The following BRAF variants were observed in gnomAD, a reference collection of about 807,000 sequenced individuals.
BRAF encodes the protein B-Raf proto-oncogene, serine/threonine kinase.
A neutral mutation model predicts 104.6 loss-of-function variants in BRAF; 16 were observed. That is an observed-to-expected ratio of 0.15 (90% CI 0.10 to 0.23). The LOEUF (loss-of-function observed/expected upper bound fraction) is 0.23, where lower values mean the gene tolerates loss of function less well. Ranked by LOEUF, BRAF falls within the 10% of genes least tolerant of loss-of-function variation. The probability of loss-of-function intolerance (pLI) is 1.00; values close to 1 mark genes in which losing one functional copy is unlikely to be tolerated. For missense variants in BRAF, 541 were observed against 937.3 expected (o/e 0.58, Z 5.52); for synonymous variants, 310 against 341.6 (o/e 0.91, Z 1.02).
At chr7:140,716,714 CT>C (rs1296358537), downstream of BRAF, among the ~76,000 whole-genome samples, 2 of 152,192 alleles carry the variant, frequency 1.3e-5, no homozygotes, top group African/African-American at 4.8e-5. Flanking sequence ...ACGTTTGTAA[CT>C]TTGTTAGTTT....
At chr7:140,755,953 T>A (rs1335679660) in intron 14 of BRAF, among the ~76,000 whole-genome samples, 2 of 152,058 alleles carry the variant, frequency 1.3e-5, no homozygotes, top group South Asian at 4.2e-4. Context: ...TTCAACCATA[T>A]CAAAATACAG....
At chr7:140,762,959 G>C (rs1415161496) in intron 14 of BRAF, among the ~76,000 whole-genome samples, 2 of 152,198 alleles carry the variant, frequency 1.3e-5, no homozygotes, top group African/African-American at 4.8e-5. Flanking sequence ...CAAGGCAGAA[G>C]AATTTTTCTT....
At chr7:140,820,263 T>A (rs1805333682) in intron 3 of BRAF, among the ~76,000 whole-genome samples, 1 of 152,198 alleles carries the variant, frequency 6.6e-6, no homozygotes. Context: ...CATACACTTG[T>A]TGAGAATCAA....
At position 140,725,338 on chromosome 7, in the gene BRAF, G is replaced by A; in HGVS notation, c.*1156C>T. The A allele has an allele frequency of 1.0e-6, 1 of 1,000,842 alleles. No individual in the cohort carries two copies. 62.0% of individuals were successfully genotyped at this position (1,000,842 alleles called of 1,614,324 possible). A position where few individuals can be genotyped will look rare whatever the true frequency, so the allele number is the denominator to read the frequency against. Reference sequence around the variant, plus strand: ...TTATGCTAAGACTCCTCATATTTAGGTAGAGAAAAGGATAATGATCTTTCT... The same window carrying A: ...TTATGCTAAGACTCCTCATATTTAGATAGAGAAAAGGATAATGATCTTTCT... On this transcript the variant is annotated 3_prime_UTR_variant, in exon 20 of 20. Transcript: ENST00000644969.
intron 2 of BRAF, among the ~76,000 whole-genome samples, chr7:140,843,734 A>C (rs986784168): frequency 1.3e-5 from 2 of 152,180 alleles, no homozygotes; most frequent in Non-Finnish European, 2.9e-5. Flanking sequence ...GGCTGGGCAC[A>C]GTGGCTCATG....
intron 14 of BRAF, among the ~76,000 whole-genome samples, chr7:140,760,915 A>G (rs10085730): frequency 0.35 from 53,828 of 151,846 alleles, 12,802 homozygotes; most frequent in African/African-American, 0.68. Flanking sequence ...ACGTCTGATT[A>G]GTGTACCTGA....
At chr7:140,854,306 A>C (rs1409283604) in intron 1 of BRAF, among the ~76,000 whole-genome samples, 2 of 152,210 alleles carry the variant, frequency 1.3e-5, no homozygotes, top group Non-Finnish European at 2.9e-5. Context: ...AGCTACTTTA[A>C]GATCAGAAAC....
intron 1 of BRAF, among the ~76,000 whole-genome samples, chr7:140,877,938 GTATT>G (rs1288472526): frequency 6.6e-6 from 1 of 151,978 alleles, no homozygotes; most frequent in African/African-American, 2.4e-5. Context: ...ATTCTATCAG[GTATT>G]TAAAGAAGAC....
rs1224922004 is a variant in BRAF, at chr7:140,908,989, CTTTTTTT to C, written c.138+15570_138+15576del. Among the ~76,000 whole-genome samples the C allele has an allele frequency of 1.4e-3, 165 of 120,204 alleles. 13 individuals carry two copies. Among genetic ancestry groups the C allele is most frequent in the Middle Eastern group, 4.2e-3 (1 of 236 alleles). The allele number at this position is 120,204 out of a possible 152,430, so 78.9% of individuals were successfully genotyped here. ...CAGCTCTGCAACTGCTCTACGTTTTCTTTTTTTTTTTTTTTTTTTAATACTGTTTCCA... is the reference window on the plus strand; with the variant it reads ...CAGCTCTGCAACTGCTCTACGTTTTCTTTTTTTTTTTTAATACTGTTTCCA... On this transcript the variant is annotated intron_variant, in intron 1 of 19. Coordinates refer to ENST00000644969, the MANE Select transcript of BRAF (RefSeq NM_001374258.1).
intron 3 of BRAF, among the ~76,000 whole-genome samples, chr7:140,830,040 T>C (rs764702575): frequency 2.0e-5 from 3 of 152,240 alleles, no homozygotes; most frequent in Non-Finnish European, 4.4e-5. Flanking sequence ...ACTCTAGCTA[T>C]CCTAATGTTT....
At chr7:140,774,927 T>TG (rs765434286) in intron 14 of BRAF, among the ~76,000 whole-genome samples, 2 of 152,210 alleles carry the variant, frequency 1.3e-5, no homozygotes, top group Admixed American at 6.5e-5. Context: ...AGTTATGTAC[T>TG]GAGTATGCCA....
chr7:140,887,642 C>CT, intron 1 of BRAF, among the ~76,000 whole-genome samples: 1 of 152,076 alleles, frequency 6.6e-6, no homozygotes, highest in Admixed American at 6.5e-5. Flanking sequence ...TAGGAAGACT[C>CT]TTTTTTGGGG....
chr7:140,893,391 A>G (rs1405860872), intron 1 of BRAF, among the ~76,000 whole-genome samples: 1 of 152,004 alleles, frequency 6.6e-6, no homozygotes, highest in Admixed American at 6.6e-5. Flanking sequence ...CTAGGGCTAC[A>G]GGCGCCCGCC....
chr7:140,725,302 A>G lies in BRAF; in HGVS notation c.*1192T>C, dbSNP rs184694572. On this transcript the variant is annotated 3_prime_UTR_variant, in exon 20 of 20. Coordinates refer to ENST00000644969, the MANE Select transcript of BRAF (RefSeq NM_001374258.1). The stretch of plus-strand genomic sequence containing the variant: ...AAGTACCATTAATTGAAAAATTATA[A>G]ATATTTGTCATTATGCTAAGACTCC... 1.7e-3 allele frequency: 1,794 copies of G among 1,033,376 alleles called. 2 individuals carry two copies. Among genetic ancestry groups the G allele is most frequent in the Non-Finnish European group, 2.0e-3 (1,718 of 856,184 alleles). 64.0% of individuals were successfully genotyped at this position (1,033,376 alleles called of 1,614,324 possible).
chr7:140,720,771 C>A lies in BRAF; in HGVS notation c.*5723G>T. ...CCAACTCATACTCCACCAAAACACACGTGGGTTCAAAAACTTAACACAAAA... is the reference window on the plus strand; with the variant it reads ...CCAACTCATACTCCACCAAAACACAAGTGGGTTCAAAAACTTAACACAAAA... On this transcript the variant is annotated 3_prime_UTR_variant, in exon 20 of 20. Transcript: ENST00000644969. 1 of 1,065,822 alleles carries A rather than the reference C, an allele frequency of 9.4e-7. No homozygotes were observed. Among genetic ancestry groups the A allele is most frequent in the East Asian group, 5.0e-5 (1 of 20,136 alleles). The allele number at this position is 1,065,822 out of a possible 1,614,324, so 66.0% of individuals were successfully genotyped here. A position where few individuals can be genotyped will look rare whatever the true frequency, so the allele number is the denominator to read the frequency against.
intron 1 of BRAF, among the ~76,000 whole-genome samples, chr7:140,878,061 C>T (rs1373508359): frequency 6.6e-6 from 1 of 151,500 alleles, no homozygotes; most frequent in African/African-American, 2.4e-5. Flanking sequence ...AAAGACTGTA[C>T]AAAAAAGAAA....
intron 12 of BRAF, 122 bp downstream of exon 11, chr7:140,781,454 A>T (rs528097645): frequency 3.1e-4 from 320 of 1,038,880 alleles, no homozygotes; most frequent in Admixed American, 6.3e-4. Flanking sequence ...TCCTGAAACT[A>T]ATCAAAATAG....
intron 19 of BRAF, among the ~76,000 whole-genome samples, chr7:140,728,492 A>T (rs926712647): frequency 1.3e-5 from 2 of 152,176 alleles, no homozygotes; most frequent in Admixed American, 6.5e-5. Context: ...AAGAAAGGGT[A>T]AAAGAATTAT....
chr7:140,881,265 A>C (rs1192877796), intron 1 of BRAF, among the ~76,000 whole-genome samples: 1 of 152,152 alleles, frequency 6.6e-6, no homozygotes, highest in African/African-American at 2.4e-5. Context: ...CTTCAACTTA[A>C]AGTCACCAGC....
Sources: allele counts gnomAD v4.1 joint callset (sites outside exome capture counted in the v4.1 genomes callset), GRCh38; gene constraint gnomAD v4.1.1; transcripts MANE v1.5; gene names NCBI Gene and HGNC (gene_info 2026-07-23, HGNC 2026-07-21).